The following HIF3A variants were observed in gnomAD, a reference collection of about 807,000 sequenced individuals.
The protein encoded by HIF3A is hypoxia-inducible factor 3-alpha.
A neutral mutation model predicts 67.2 loss-of-function variants in HIF3A; 41 were observed. The observed-to-expected ratio is 0.61, with a 90% CI of 0.48 to 0.79. The LOEUF (loss-of-function observed/expected upper bound fraction) is 0.79, where lower values mean the gene tolerates loss of function less well. HIF3A is among the 30% of genes least tolerant of loss of function. The pLI, the probability that HIF3A is intolerant of heterozygous loss-of-function variation, is 0.00. For missense variants in HIF3A, 855 were observed against 898.0 expected, an observed-to-expected ratio of 0.95 and a Z score of 0.61; for synonymous variants, 356 against 374.8, an observed-to-expected ratio of 0.95 and a Z score of 0.58.
intron 8 of HIF3A, among the ~76,000 whole-genome samples, chr19:46,315,846 G>A (rs765144148): frequency 2.6e-5 from 4 of 152,168 alleles, no homozygotes; most frequent in South Asian, 2.1e-4. Flanking sequence ...CCCAGGAGGT[G>A]GAGGTTGCAG....
At chr19:46,310,735 A>G in intron 6 of HIF3A, 1 of 372,642 alleles carries the variant, frequency 2.7e-6, no homozygotes, top group Non-Finnish European at 5.4e-6. Context: ...TTTTTAAATC[A>G]TTATTGTCAT....
In HIF3A at chr19:46,327,515, C is replaced by T. The variant is rs900691025; in HGVS notation, c.1441-1692C>T. Among the ~76,000 whole-genome samples, 5 of 152,142 alleles carry T rather than the reference C, an allele frequency of 3.3e-5. No individual in the cohort carries two copies. The East Asian group carries it at 9.7e-4, about 29-fold the overall frequency. ...TATTTTTAGTAGAGATGTGGTTTCA[C>T]CAGGCTGGCTCAGAGACCACTTATT... is the stretch of plus-strand genomic sequence containing the variant. On this transcript the variant is annotated intron_variant, in intron 11 of 14. Coordinates refer to ENST00000377670, the MANE Select transcript of HIF3A (RefSeq NM_152795.4).
At chr19:46,320,314 TCTGCAAAATGCCCTC>T in intron 8 of HIF3A, 114 bp from the exon 9 acceptor site, 1 of 683,118 alleles carries the variant, frequency 1.5e-6, no homozygotes. Context: ...GCAATTATTT[TCTGCAAAATGCCCTC>T]CAAGCCCCTG....
intron 3 of HIF3A, among the ~76,000 whole-genome samples, chr19:46,307,959 TAGACAGACAGACAGACAGAC>T (rs750066520): frequency 5.7e-5 from 6 of 105,886 alleles, no homozygotes; most frequent in Non-Finnish European, 6.3e-5. Flanking sequence ...GACAGATAGG[TAGACAGACAGACAGACAGAC>T]AGACAGACAG....
Position 46,325,579 on chromosome 19 carries a change from C to G in HIF3A, c.1380C>G (p.His460Gln). The G allele has an allele frequency of 1.2e-6, 2 of 1,613,566 alleles. No homozygotes were observed. The highest frequency in any genetic ancestry group is 8.5e-7 in the Non-Finnish European group (1 of 1,179,900). Residue 460 changes from histidine to glutamine, a missense_variant, in exon 11 of 15, where the codon CAC becomes CAG. His to Gln is a conservative substitution (Grantham distance 24). This residue lies in a region of HIF3A where 638 missense variants were observed against 660.5 expected (regional missense o/e 0.97). Coordinates refer to ENST00000377670, the MANE Select transcript of HIF3A (RefSeq NM_152795.4). ...DELPVGTENV[H>Q]RLFTSGKDTE... ...TACCTGTGGGCACCGAGAATGTGCA[C>G]AGACTCTTCACCTCCGGGAAAGACA...
chr19:46,303,819 G>T, intron 1 of HIF3A, 79 bp from the exon 2 acceptor site: 1 of 1,530,850 alleles, frequency 6.5e-7, no homozygotes, highest in South Asian at 1.2e-5. Flanking sequence ...GGCCCCACGT[G>T]GCAGCTCCCC....
intron 1 of HIF3A, among the ~76,000 whole-genome samples, chr19:46,298,891 C>A (rs1968090089): frequency 6.6e-6 from 1 of 152,306 alleles, no homozygotes; most frequent in South Asian, 2.1e-4. Context: ...GTAAGACGCC[C>A]CCCCCCAATA....
intron 3 of HIF3A, among the ~76,000 whole-genome samples, chr19:46,305,631 A>G (rs890518142): frequency 2.6e-5 from 4 of 152,150 alleles, no homozygotes; most frequent in African/African-American, 9.7e-5. Context: ...GGCTTCCTGG[A>G]GGAGAAGATA....
At chr19:46,310,018 A>G (rs1345825791) in intron 6 of HIF3A, among the ~76,000 whole-genome samples, 1 of 152,146 alleles carries the variant, frequency 6.6e-6, no homozygotes, top group African/African-American at 2.4e-5. Flanking sequence ...TGACGTCAGG[A>G]GTTCAAGACC....
chr19:46,312,864 T>A (rs1727889517), intron 8 of HIF3A: 1 of 1,255,124 alleles, frequency 8.0e-7, no homozygotes, highest in Non-Finnish European at 1.0e-6. Context: ...GGTATGTGTA[T>A]GGGTGTGTAG....
At position 46,297,230 on chromosome 19, in the gene HIF3A, G is replaced by A. The variant is rs1967931571; in HGVS notation, c.26+128G>A. The A allele has an allele frequency of 9.4e-6, 5 of 531,674 alleles. 1 individual carries two copies. The South Asian group carries it at 3.5e-4, about 37-fold the overall frequency. The allele number at this position is 531,674 out of a possible 1,614,324, so 32.9% of individuals were successfully genotyped here. ...AAGAACGCCCCGGGGCGCGCAGTTGGAGGCACATCCCCACCGCACTCTCCA... is the reference window on the plus strand; with the variant it reads ...AAGAACGCCCCGGGGCGCGCAGTTGAAGGCACATCCCCACCGCACTCTCCA... On this transcript the variant is annotated intron_variant, in intron 1 of 14. Coordinates refer to ENST00000377670, the MANE Select transcript of HIF3A (RefSeq NM_152795.4). This position sits in a 1 kb window ranked among gnomAD's most constrained non-coding sequence, Gnocchi z 4.5.
chr19:46,335,747 A>G (rs1318472324), intron 14 of HIF3A, among the ~76,000 whole-genome samples: 1 of 151,732 alleles, frequency 6.6e-6, no homozygotes, highest in African/African-American at 2.4e-5. Flanking sequence ...AATAAAAAAG[A>G]GTGCAAGAGG....
chr19:46,315,069 G>GTTTTTTTT (rs1969805435), intron 8 of HIF3A, among the ~76,000 whole-genome samples: 3 of 35,440 alleles, frequency 8.5e-5, no homozygotes, highest in East Asian at 9.6e-4. Context: ...TTTCTTTCTT[G>GTTTTTTTT]GTTTTTTTGT....
At chr19:46,317,122 T>C (rs1461161797) in intron 8 of HIF3A, among the ~76,000 whole-genome samples, 1 of 152,086 alleles carries the variant, frequency 6.6e-6, no homozygotes, top group Non-Finnish European at 1.5e-5. Context: ...AGTTTCATCA[T>C]GTTGCCCAGG....
intron 13 of HIF3A, among the ~76,000 whole-genome samples, chr19:46,334,077 G>A (rs1375894351): frequency 2.0e-5 from 3 of 150,608 alleles, no homozygotes; most frequent in Non-Finnish European, 3.0e-5. Flanking sequence ...ACAGGCGTGA[G>A]CCACCGCGCC....
intron 8 of HIF3A, among the ~76,000 whole-genome samples, chr19:46,314,100 A>C (rs1458901853): frequency 6.6e-6 from 1 of 152,056 alleles, no homozygotes; most frequent in Non-Finnish European, 1.5e-5. Context: ...GATTACAAAA[A>C]AACAGCTACT....
At chr19:46,306,055 G>A (rs961598409) in intron 3 of HIF3A, among the ~76,000 whole-genome samples, 1 of 152,036 alleles carries the variant, frequency 6.6e-6, no homozygotes, top group Admixed American at 6.6e-5. Context: ...CTCCAGCCTG[G>A]GTGACAGAGC....
At chr19:46,319,830 T>G (rs1970219202) in intron 8 of HIF3A, among the ~76,000 whole-genome samples, 1 of 152,114 alleles carries the variant, frequency 6.6e-6, no homozygotes, top group Non-Finnish European at 1.5e-5. Flanking sequence ...CTTCCCTCAG[T>G]CTTCCTCCTC....
chr19:46,325,465 G>T, intron 10 of HIF3A, 70 bp from the exon 11 acceptor site: 2 of 1,087,090 alleles, frequency 1.8e-6, no homozygotes, highest in Non-Finnish European at 1.4e-6. Context: ...CCCTTGAGCT[G>T]CAGACTGTCT....
Sources: allele counts gnomAD v4.1 joint callset (sites outside exome capture counted in the v4.1 genomes callset), GRCh38; gene constraint gnomAD v4.1.1; regional missense constraint gnomAD v4.1.1; non-coding constraint Gnocchi (gnomAD v3.1); transcripts MANE v1.5; gene names NCBI Gene and HGNC (gene_info 2026-07-23, HGNC 2026-07-21).